Variants in IL6ST observed in about 807,000 individuals in gnomAD.
IL6ST encodes interleukin 6 cytokine family signal transducer, also known as interleukin-6 receptor subunit beta.
A neutral mutation model predicts 91.3 loss-of-function variants in IL6ST; 24 were observed. That is an observed-to-expected ratio of 0.26 (90% CI 0.19 to 0.37). The LOEUF (loss-of-function observed/expected upper bound fraction) is 0.37. IL6ST is among the 10% of genes least tolerant of loss of function. The pLI is 1.00. For missense variants in IL6ST, 914 were observed against 1,078.5 expected (o/e 0.85, Z 2.14); for synonymous variants, 351 against 373.6 (o/e 0.94, Z 0.70).
chr5:55,983,070 G>C (rs1753754543), intron 1 of IL6ST, among the ~76,000 whole-genome samples: 1 of 149,362 alleles, frequency 6.7e-6, no homozygotes. Flanking sequence ...CACAATTACA[G>C]CTCACTGCAG....
At position 55,937,830 on chromosome 5, in the gene IL6ST, A is replaced by G. The variant is rs1820168; in HGVS notation, c.*3252T>C. On this transcript the variant is annotated 3_prime_UTR_variant, in exon 17 of 17. Coordinates refer to ENST00000381298, the MANE Select transcript of IL6ST (RefSeq NM_002184.4). ...TAAAACTTTATTGAAACAAAAGTGT[A>G]TGGTTTAGGAATATGCTCTTAATAA... is the stretch of plus-strand genomic sequence containing the variant. 5,286 of 194,814 alleles carry G rather than the reference A, an allele frequency of 0.027. 296 individuals are homozygous for G. Among genetic ancestry groups the G allele is most frequent in the African/African-American group, 0.11 (4,921 of 43,346 alleles). The allele number at this position is 194,814 out of a possible 1,614,324, so 12.1% of individuals were successfully genotyped here. A position where few individuals can be genotyped will look rare whatever the true frequency, so the allele number is the denominator to read the frequency against.
rs1750915356 is a variant in IL6ST at position 55,941,552 on chromosome 5, C to T, written c.2287G>A (p.Val763Ile). 6.2e-7 allele frequency: 1 copy of T among 1,613,966 alleles called. No homozygotes were observed. Residue 763 changes from valine (V) to isoleucine (I), a missense_variant, in exon 17 of 17, where the codon GTA (valine) becomes ATA (isoleucine). Coordinates refer to ENST00000381298, the MANE Select transcript of IL6ST (RefSeq NM_002184.4). ...TSSTVQYSTV[V>I]HSGYRHQVPS... ...ACTTGGTGTCTGTAGCCACTGTGTA[C>T]CACGGTAGAATACTGGACAGTGCTC...
At chr5:55,949,588 A>G (rs192636683) in intron 14 of IL6ST, among the ~76,000 whole-genome samples, 2 of 152,320 alleles carry the variant, frequency 1.3e-5, no homozygotes, top group East Asian at 3.9e-4. Context: ...AATACATAAA[A>G]TATACATTTT....
At chr5:55,949,352 G>A (rs1449220572) in intron 14 of IL6ST, among the ~76,000 whole-genome samples, 1 of 152,100 alleles carries the variant, frequency 6.6e-6, no homozygotes, top group Non-Finnish European at 1.5e-5. Flanking sequence ...GTGCCTACCA[G>A]CAGTCTTAGT....
chr5:55,989,343 C>T (rs895924952), intron 1 of IL6ST, among the ~76,000 whole-genome samples: 3 of 151,992 alleles, frequency 2.0e-5, no homozygotes, highest in Non-Finnish European at 4.4e-5. Context: ...AGTATTGGGA[C>T]AACTGGCTCC....
rs1240149060 is a variant in IL6ST at position 55,935,691 on chromosome 5, T to C, written c.*5391A>G. ...AACTTGCCCAAGCACTGGACTTAAG[T>C]ATGGAAGAGCCTATACGCAGTTGTA... On this transcript the variant is annotated 3_prime_UTR_variant, in exon 17 of 17. Transcript: ENST00000381298. The C allele has an allele frequency of 4.6e-6, 1 of 218,910 alleles. No individual in the cohort carries two copies. The allele number at this position is 218,910 out of a possible 1,614,324, so 13.6% of individuals were successfully genotyped here.
chr5:55,950,203 G>A (rs755413936), intron 14 of IL6ST: 3 of 491,368 alleles, frequency 6.1e-6, no homozygotes, highest in South Asian at 3.0e-5. Context: ...AGAGAAGATG[G>A]CTAAAGCCAT....
Position 55,964,194 on chromosome 5 carries a change from G to A in IL6ST, c.610C>T (p.Leu204Phe), listed in dbSNP as rs1752503980. ...ATATGATCTGATGTAACCTTCCCAA[G>A]GGCATTCTCTGCTTCTACCCAGACT... Reference protein sequence around the residue: ...IEVWVEAENALGKVTSDHINF... With the variant: ...IEVWVEAENAFGKVTSDHINF... The change falls in exon 6 of 17, where the codon CTT becomes TTT. Residue 204 changes from leucine to phenylalanine, a missense_variant. Coordinates refer to ENST00000381298, the MANE Select transcript of IL6ST (RefSeq NM_002184.4). 6.2e-7 allele frequency: 1 copy of A among 1,610,028 alleles called. No individual in the cohort carries two copies. The highest frequency in any genetic ancestry group is 1.3e-5 in the African/African-American group (1 of 74,802).
chr5:55,940,337 T>C lies in IL6ST; in HGVS notation c.*745A>G, dbSNP rs2111571142. The stretch of plus-strand genomic sequence containing the variant: ...CCCTAGCTCTTATCATGGCACTCTG[T>C]TGAGTTTGTGAAATGCATCTTCAAA... On this transcript the variant is annotated 3_prime_UTR_variant, in exon 17 of 17. Transcript: ENST00000381298. 2 of 209,554 alleles carry C rather than the reference T, an allele frequency of 9.5e-6. No homozygotes were observed. Among genetic ancestry groups the C allele is most frequent in the Non-Finnish European group, 9.7e-6 (1 of 102,964 alleles). 13.0% of individuals were successfully genotyped at this position (209,554 alleles called of 1,614,324 possible).
rs987021774 is a variant in IL6ST at position 55,984,952 on chromosome 5, C to T, written c.-103-2141G>A. ...TGAAGAGTGGAATGGCTAGGCCCTA[C>T]GGCAGGTGTGTGCTTGGCTATATCT... On this transcript the variant is annotated intron_variant, in intron 1 of 16. Transcript: ENST00000381298. Among the ~76,000 whole-genome samples the T allele has an allele frequency of 1.8e-4, 27 of 152,150 alleles. 1 individual carries two copies. Among genetic ancestry groups the T allele is most frequent in the Admixed American group, 1.1e-3 (17 of 15,260 alleles).
intron 7 of IL6ST, 107 bp downstream of exon 7, chr5:55,963,245 A>G: frequency 1.3e-6 from 1 of 786,762 alleles, no homozygotes; most frequent in Non-Finnish European, 2.0e-6. Context: ...CAAGCAAAAT[A>G]TTTCACATAA....
chr5:55,987,661 T>G (rs1458299292), intron 1 of IL6ST, among the ~76,000 whole-genome samples: 2 of 152,230 alleles, frequency 1.3e-5, no homozygotes, highest in Non-Finnish European at 1.5e-5. Context: ...TTACTTCCTT[T>G]ATCTGTAAAC....
chr5:55,937,179 C>G lies in IL6ST; in HGVS notation c.*3903G>C, dbSNP rs1750585753. 4.7e-6 allele frequency: 1 copy of G among 213,002 alleles called. No individual in the cohort carries two copies. The highest frequency in any genetic ancestry group is 5.9e-5 in the Admixed American group (1 of 17,086). The allele number at this position is 213,002 out of a possible 1,614,324, so 13.2% of individuals were successfully genotyped here. On this transcript the variant is annotated 3_prime_UTR_variant, in exon 17 of 17. Coordinates refer to ENST00000381298, the MANE Select transcript of IL6ST (RefSeq NM_002184.4). ...TGTGTTCAAGAAATAAAAAAAACATCTATCACTATCGGCCTTAAATGCATC... is the reference window on the plus strand; with the variant it reads ...TGTGTTCAAGAAATAAAAAAAACATGTATCACTATCGGCCTTAAATGCATC...
rs183821521 is a variant in IL6ST, at chr5:55,980,309, G to A, written c.-16+2415C>T. Among the ~76,000 whole-genome samples, 423 of 152,296 alleles carry A rather than the reference G, an allele frequency of 2.8e-3. 6 individuals are homozygous for A. The highest frequency in any genetic ancestry group is 9.9e-3 in the African/African-American group (410 of 41,550). ...TCACGCCTGTAATCCCAGCACTCAGGGAGGCCGAGGTGGGTGGATCATCTG... is the reference window on the plus strand; with the variant it reads ...TCACGCCTGTAATCCCAGCACTCAGAGAGGCCGAGGTGGGTGGATCATCTG... On this transcript the variant is annotated intron_variant, in intron 2 of 16. Transcript: ENST00000381298.
At chr5:55,944,398 A>G (rs951272118) in intron 15 of IL6ST, among the ~76,000 whole-genome samples, 1 of 152,216 alleles carries the variant, frequency 6.6e-6, no homozygotes, top group African/African-American at 2.4e-5. Flanking sequence ...TAAAAAATCA[A>G]TTGCATTTCT....
At chr5:55,983,128 T>G (rs1753758068) in intron 1 of IL6ST, among the ~76,000 whole-genome samples, 1 of 151,746 alleles carries the variant, frequency 6.6e-6, no homozygotes. Context: ...GCCTCCCGAG[T>G]AGCTGGGACT....
chr5:55,982,586 T>C (rs540812262), intron 2 of IL6ST, 138 bp downstream of exon 2: 12 of 389,538 alleles, frequency 3.1e-5, no homozygotes, highest in Non-Finnish European at 5.0e-5. Flanking sequence ...TATTTTACAT[T>C]ACACAAAATG....
rs375938437 is a variant in IL6ST at position 55,941,577 on chromosome 5, C to T, written c.2262G>A (p.Ser754=). 4 of 1,614,108 alleles carry T rather than the reference C, an allele frequency of 2.5e-6. No individual in the cohort carries two copies. Among genetic ancestry groups the T allele is most frequent in the East Asian group, 2.2e-5 (1 of 44,882 alleles). Residue 754 remains serine (S), a synonymous_variant, in exon 17 of 17, where the codon TCG becomes TCA. Transcript: ENST00000381298. ...CCACGGTAGAATACTGGACAGTGCT[C>T]GAAGTGTTTTGTGAAGATTCATTTT... ...SDENESSQNT[S]STVQYSTVVH...
intron 3 of IL6ST, among the ~76,000 whole-genome samples, chr5:55,971,115 C>G (rs978148567): frequency 6.6e-6 from 1 of 152,100 alleles, no homozygotes; most frequent in Non-Finnish European, 1.5e-5. Flanking sequence ...ATGAGCATGT[C>G]CAAAACTATT....
Sources: gnomAD v4.1 joint callset for allele counts (sites outside exome capture counted in the v4.1 genomes callset) on GRCh38, gnomAD v4.1.1 for gene constraint, MANE v1.5 for transcripts, NCBI Gene and HGNC (gene_info 2026-07-23, HGNC 2026-07-21) for gene names.